The following BRF1 variants were observed in gnomAD, a reference collection of about 807,000 sequenced individuals.
The protein encoded by BRF1 is BRF1 general transcription factor IIIB subunit, also known as transcription factor IIIB 90 kDa subunit.
A neutral mutation model predicts 81.7 loss-of-function variants in BRF1; 59 were observed. The observed-to-expected ratio is 0.72, with a 90% confidence interval of 0.59 to 0.90. The LOEUF (loss-of-function observed/expected upper bound fraction) is 0.90, where lower values mean the gene tolerates loss of function less well. Among genes scored for constraint, BRF1 ranks in the 40% least tolerant of loss-of-function variants. The probability of loss-of-function intolerance (pLI) is 0.00; values close to 1 mark genes in which losing one functional copy is unlikely to be tolerated. For synonymous variants in BRF1, 491 were observed against 395.6 expected (o/e 1.24, Z -2.86); for missense variants, 1,050 against 936.3 (o/e 1.12, Z -1.58).
In BRF1 at chr14:105,300,465, G is replaced by A. The variant is rs1429456261; in HGVS notation, c.165C>T (p.Gly55=). 6.5e-7 allele frequency: 1 copy of A among 1,532,330 alleles called. No homozygotes were observed. Among genetic ancestry groups the A allele is most frequent in the East Asian group, 2.5e-5 (1 of 39,936 alleles). The allele number at this position is 1,532,330 out of a possible 1,614,324, so 94.9% of individuals were successfully genotyped here. A position where few individuals can be genotyped will look rare whatever the true frequency, so the allele number is the denominator to read the frequency against. Residue 55 remains glycine, a synonymous_variant, in exon 1 of 18, where the codon GGC becomes GGT. Coordinates refer to ENST00000547530, the MANE Select transcript of BRF1 (RefSeq NM_001519.4). ...ACTCACCGTCCAGGGACACGAACTG[G>A]CCCACGGCCGAGGAGCCGCCGCCGC... is the stretch of plus-strand genomic sequence containing the variant. ...ESSGGGSSAV[G]QFVSLDGAGK...
intron 16 of BRF1, 138 bp downstream of exon 16, chr14:105,211,975 C>T: frequency 1.5e-6 from 2 of 1,312,912 alleles, no homozygotes; most frequent in East Asian, 2.5e-5. Flanking sequence ...CTGGCCATGC[C>T]AGGCAAGTAT....
chr14:105,216,032 G>T (rs1595253041), intron 15 of BRF1, among the ~76,000 whole-genome samples: 1 of 80,694 alleles, frequency 1.2e-5, no homozygotes, highest in African/African-American at 1.2e-4. Context: ...TACAGACACA[G>T]GCACACACAC....
chr14:105,280,336 G>A (rs1057287089), intron 2 of BRF1, among the ~76,000 whole-genome samples: 3 of 152,200 alleles, frequency 2.0e-5, no homozygotes, highest in Admixed American at 6.5e-5. Flanking sequence ...ATGACCAAGC[G>A]CCGGTGAAAA....
chr14:105,272,918 C>T (rs759522564), intron 2 of BRF1, 24 bp from the exon 3 acceptor site: 2 of 1,560,410 alleles, frequency 1.3e-6, no homozygotes, highest in Non-Finnish European at 1.7e-6. Flanking sequence ...CGAGGCAGCT[C>T]TTAGCCAAAT....
intron 15 of BRF1, among the ~76,000 whole-genome samples, chr14:105,215,508 C>A (rs1566796802): frequency 6.6e-6 from 1 of 152,100 alleles, no homozygotes; most frequent in African/African-American, 2.4e-5. Context: ...CCAACGCACA[C>A]ACGTACTGTG....
chr14:105,269,873 A>C lies in BRF1; in HGVS notation c.439+2848T>G, dbSNP rs2056586837. 6.6e-6 allele frequency among the ~76,000 whole-genome samples: 1 copy of C among 152,164 alleles called. No individual in the cohort carries two copies. The highest frequency in any genetic ancestry group is 2.1e-4 in the South Asian group (1 of 4,828). ...CCCTGCTCCACAGCAGTCCCCACACAGCTCCTACAAACACAAGGGAGGCAG... is the reference window on the plus strand; with the variant it reads ...CCCTGCTCCACAGCAGTCCCCACACCGCTCCTACAAACACAAGGGAGGCAG... On this transcript the variant is annotated intron_variant, in intron 3 of 17. Transcript: ENST00000547530. This position sits in a 1 kb window ranked among gnomAD's most constrained non-coding sequence, Gnocchi z 5.0.
At position 105,226,685 on chromosome 14, in the gene BRF1, C is replaced by G; in HGVS notation, c.864G>C (p.Glu288Asp). 8 of 1,613,648 alleles carry G rather than the reference C, an allele frequency of 5.0e-6. No individual in the cohort carries two copies. The highest frequency in any genetic ancestry group is 6.8e-6 in the Non-Finnish European group (8 of 1,180,030). ...DEFMKIDLEE[E>D]CDPPSYTAGQ... Reference sequence around the variant, plus strand: ...CAGCTGTGTACGAGGGGGGGTCGCACTCCTCCTCCAGGTCGATCTTCATGA... The same window carrying G: ...CAGCTGTGTACGAGGGGGGGTCGCAGTCCTCCTCCAGGTCGATCTTCATGA... Residue 288 changes from glutamate (E) to aspartate (D), a missense_variant, in exon 8 of 18, where the codon GAG (glutamate) becomes GAC (aspartate). Physicochemically the swap from Glu to Asp is conservative, Grantham distance 45. Coordinates refer to ENST00000547530, the MANE Select transcript of BRF1 (RefSeq NM_001519.4).
At chr14:105,248,607 CGGGCCTGGCCGGGCTGCGCTAGGCT>C (rs2055325502) in intron 5 of BRF1, 1 of 970,314 alleles carries the variant, frequency 1.0e-6, no homozygotes, top group Non-Finnish European at 1.2e-6. Context: ...CCCCCGCGGC[CGGGCCTGGCCGGGCTGCGCTAGGCT>C]GGGCTCGGGC....
chr14:105,310,454 C>T (rs189384982), intron 1 of BRF1, among the ~76,000 whole-genome samples: 77 of 138,030 alleles, frequency 5.6e-4, no homozygotes, highest in African/African-American at 2.1e-3. Context: ...GGCATGAACC[C>T]GGGAGGCAGA....
intron 3 of BRF1, among the ~76,000 whole-genome samples, chr14:105,270,299 G>A (rs1388136878): frequency 6.6e-6 from 1 of 151,022 alleles, no homozygotes; most frequent in Non-Finnish European, 1.5e-5. Flanking sequence ...TCAGCCTCCC[G>A]AGTAGCTGGG....
At chr14:105,308,737 C>G (rs1279603575) in intron 1 of BRF1, among the ~76,000 whole-genome samples, 1 of 151,644 alleles carries the variant, frequency 6.6e-6, no homozygotes, top group Non-Finnish European at 1.5e-5. Flanking sequence ...TGCCTCAGCC[C>G]CCCAAAGTGC....
In BRF1 at chr14:105,284,676, C is replaced by T. The variant is rs1169850378; in HGVS notation, c.265+1620G>A. 6.6e-6 allele frequency among the ~76,000 whole-genome samples: 1 copy of T among 152,184 alleles called. No individual in the cohort carries two copies. Among genetic ancestry groups the T allele is most frequent in the Non-Finnish European group, 1.5e-5 (1 of 68,044 alleles). On this transcript the variant is annotated intron_variant, in intron 2 of 17. Transcript: ENST00000547530. This position sits in a 1 kb window ranked among gnomAD's most constrained non-coding sequence, Gnocchi z 4.0. Reference sequence around the variant, plus strand: ...CCAAAGAGATCCTAGCACAAAGTATCCCTGCCTGGACTGACCCACGGCCAA... The same window carrying T: ...CCAAAGAGATCCTAGCACAAAGTATTCCTGCCTGGACTGACCCACGGCCAA...
chr14:105,278,785 C>T (rs587676227), intron 2 of BRF1, among the ~76,000 whole-genome samples: 3 of 152,132 alleles, frequency 2.0e-5, no homozygotes, highest in East Asian at 1.9e-4. Flanking sequence ...TGGCTCATGC[C>T]GGTAATCCCA....
chr14:105,212,385 G>A (rs934398778), intron 15 of BRF1: 25 of 568,436 alleles, frequency 4.4e-5, no homozygotes, highest in African/African-American at 3.6e-4. Flanking sequence ...AGCAGCACTC[G>A]ACACAAACAC....
upstream of BRF1, among the ~76,000 whole-genome samples, chr14:105,301,605 C>G (rs1415548899): frequency 6.6e-6 from 1 of 152,228 alleles, no homozygotes; most frequent in East Asian, 1.9e-4. Flanking sequence ...TTGCGGCGTC[C>G]GCCGCTCCGC....
chr14:105,229,650 C>G lies in BRF1; in HGVS notation c.695-737G>C, dbSNP rs587763710. 8.6e-4 allele frequency among the ~76,000 whole-genome samples: 130 copies of G among 151,066 alleles called. 1 individual carries two copies. The highest frequency in any genetic ancestry group is 3.1e-3 in the African/African-American group (126 of 41,196). ...CAGTCGCCCAGCTGGGGGCGGGGGACAGCCTGGCAGCCCCGTGGCACCCTC... is the reference window on the plus strand; with the variant it reads ...CAGTCGCCCAGCTGGGGGCGGGGGAGAGCCTGGCAGCCCCGTGGCACCCTC... On this transcript the variant is annotated intron_variant, in intron 6 of 17. Transcript: ENST00000547530.
chr14:105,286,557 TCA>T (rs138549638), intron 1 of BRF1, among the ~76,000 whole-genome samples, 181 bp from the exon 2 acceptor site: 227 of 151,702 alleles, frequency 1.5e-3, no homozygotes, highest in African/African-American at 5.3e-3. Context: ...GAAGCATCTC[TCA>T]CTCTGCCCAG....
chr14:105,313,729 A>T (rs587755385), intron 1 of BRF1, among the ~76,000 whole-genome samples: 8 of 152,376 alleles, frequency 5.3e-5, no homozygotes, highest in African/African-American at 1.9e-4. Flanking sequence ...CAGGGCGAAG[A>T]GAAAAGCAAC....
In BRF1 at chr14:105,215,487, T is replaced by C. The variant is rs587743394; in HGVS notation, c.1772+2057A>G. On this transcript the variant is annotated intron_variant, in intron 15 of 17. Coordinates refer to ENST00000547530, the MANE Select transcript of BRF1 (RefSeq NM_001519.4). ...ACCAGAACACATGCACACACACACG[T>C]ACTGAGTGCACCAACGCACACACGT... 3.8e-3 allele frequency among the ~76,000 whole-genome samples: 574 copies of C among 149,182 alleles called. 3 individuals carry two copies. The highest frequency in any genetic ancestry group is 0.013 in the African/African-American group (533 of 40,442).
Sources: allele counts gnomAD v4.1 joint callset (sites outside exome capture counted in the v4.1 genomes callset), GRCh38; gene constraint gnomAD v4.1.1; non-coding constraint Gnocchi (gnomAD v3.1); transcripts MANE v1.5; gene names NCBI Gene and HGNC (gene_info 2026-07-23, HGNC 2026-07-21).